The following L2HGDH variants were observed in gnomAD, a reference collection of about 807,000 sequenced individuals.
The protein encoded by L2HGDH is L-2-hydroxyglutarate dehydrogenase, mitochondrial.
A neutral mutation model predicts 51.5 loss-of-function variants in L2HGDH; 34 were observed. The observed-to-expected ratio is 0.66, with a 90% confidence interval of 0.50 to 0.88. The LOEUF (loss-of-function observed/expected upper bound fraction) is 0.88. Among genes scored for constraint, L2HGDH ranks in the 40% least tolerant of loss-of-function variants. L2HGDH has a pLI of 0.00. For missense variants in L2HGDH, 558 were observed against 571.9 expected (o/e 0.98, Z 0.25); for synonymous variants, 198 against 197.9 (o/e 1.00, Z -0.01).
intron 9 of L2HGDH, among the ~76,000 whole-genome samples, chr14:50,263,943 T>C (rs10400739): frequency 0.018 from 2,690 of 151,436 alleles, 76 homozygotes; most frequent in African/African-American, 0.059. Flanking sequence ...GCCTGGCTAA[T>C]TTTGTATTTT....
At chr14:50,289,239 T>C (rs980088293) in intron 4 of L2HGDH, among the ~76,000 whole-genome samples, 1 of 152,174 alleles carries the variant, frequency 6.6e-6, no homozygotes, top group African/African-American at 2.4e-5. Context: ...GGATCTCTAT[T>C]GTTTTAAAAT....
rs753446191 is a variant in L2HGDH at position 50,247,022 on chromosome 14, T to C, written c.*36A>G. The C allele has an allele frequency of 1.3e-6, 2 of 1,596,862 alleles. No homozygotes were observed. The highest frequency in any genetic ancestry group is 8.6e-7 in the Non-Finnish European group (1 of 1,168,928). On this transcript the variant is annotated 3_prime_UTR_variant, in exon 10 of 10. Transcript: ENST00000267436. The stretch of plus-strand genomic sequence containing the variant: ...AATTAGTACATTCTTGTTGCTGACA[T>C]GAAGATTACAGTGCATACCTAGCTC...
At chr14:50,311,781 C>A (rs2031213051) in intron 1 of L2HGDH, among the ~76,000 whole-genome samples, 1 of 152,214 alleles carries the variant, frequency 6.6e-6, no homozygotes, top group Non-Finnish European at 1.5e-5. Flanking sequence ...TTGTTCAAAG[C>A]CAGAGCTACT....
chr14:50,291,197 C>CAAAAAAA (rs1159640500), intron 4 of L2HGDH, among the ~76,000 whole-genome samples: 75 of 30,576 alleles, frequency 2.5e-3, no homozygotes, highest in Non-Finnish European at 3.9e-3. Context: ...GACTCCGTCT[C>CAAAAAAA]AAAAAAAAAA....
rs1566498137 is a variant in L2HGDH at position 50,246,878 on chromosome 14, A to G, written c.*180T>C. On this transcript the variant is annotated 3_prime_UTR_variant, in exon 10 of 10. Coordinates refer to ENST00000267436, the MANE Select transcript of L2HGDH (RefSeq NM_024884.3). ...GCTGAGATTACAGGCATGCGCCACC[A>G]TGCCTGGCTAATTTTTGTAGAAAAT... 1.8e-6 allele frequency: 2 copies of G among 1,135,126 alleles called. No individual in the cohort carries two copies. Among genetic ancestry groups the G allele is most frequent in the Non-Finnish European group, 2.4e-6 (2 of 834,968 alleles). 70.3% of individuals were successfully genotyped at this position (1,135,126 alleles called of 1,614,324 possible).
chr14:50,311,994 G>A lies in L2HGDH; in HGVS notation c.140+17C>T, dbSNP rs775212318. On this transcript the variant is annotated intron_variant, in intron 1 of 9. Transcript: ENST00000267436. The stretch of plus-strand genomic sequence containing the variant: ...GGGCAGCAGCGCAGGCGGCGGGGAG[G>A]ACCAGCGGCCACTCACCTGGTGCTG... The A allele has an allele frequency of 6.4e-7, 1 of 1,553,392 alleles. No homozygotes were observed. Among genetic ancestry groups the A allele is most frequent in the East Asian group, 2.4e-5 (1 of 41,988 alleles).
intron 5 of L2HGDH, 114 bp from the exon 6 acceptor site, chr14:50,278,668 C>T (rs1193570137): frequency 1.6e-6 from 1 of 630,888 alleles, no homozygotes; most frequent in East Asian, 2.8e-5. Context: ...TATGATTGCA[C>T]CTTACAGTTC....
intron 5 of L2HGDH, among the ~76,000 whole-genome samples, chr14:50,283,177 G>A (rs1476343682): frequency 6.6e-6 from 1 of 151,752 alleles, no homozygotes; most frequent in Non-Finnish European, 1.5e-5. Flanking sequence ...CTCCAGCCTA[G>A]GCAACAGAGC....
At chr14:50,270,073 A>G (rs1185567106) in intron 6 of L2HGDH, among the ~76,000 whole-genome samples, 1 of 152,090 alleles carries the variant, frequency 6.6e-6, no homozygotes, top group East Asian at 1.9e-4. Context: ...CCTACCCACC[A>G]AGCAATTTCT....
intron 9 of L2HGDH, among the ~76,000 whole-genome samples, chr14:50,259,297 C>A (rs574282348): frequency 6.6e-6 from 1 of 151,550 alleles, no homozygotes; most frequent in Non-Finnish European, 1.5e-5. Context: ...TAAAGCAAAT[C>A]CCAGATGGCA....
intron 5 of L2HGDH, among the ~76,000 whole-genome samples, chr14:50,280,973 C>T (rs1289062083): frequency 6.7e-6 from 1 of 148,306 alleles, no homozygotes; most frequent in Non-Finnish European, 1.5e-5. Flanking sequence ...TGCTACCATG[C>T]CCAGTGAACG....
intron 3 of L2HGDH, chr14:50,299,771 G>A (rs2030295980): frequency 6.5e-6 from 1 of 154,316 alleles, no homozygotes; most frequent in Non-Finnish European, 1.5e-5. Flanking sequence ...TCCCAACACT[G>A]TGGGAGGCCA....
chr14:50,268,627 T>C (rs1889491072), intron 7 of L2HGDH, among the ~76,000 whole-genome samples: 1 of 152,196 alleles, frequency 6.6e-6, no homozygotes, highest in Non-Finnish European at 1.5e-5. Flanking sequence ...AAATTCATGT[T>C]TCGGCAAGCT....
At chr14:50,293,711 G>T (rs770838303) in intron 4 of L2HGDH, among the ~76,000 whole-genome samples, 1 of 152,134 alleles carries the variant, frequency 6.6e-6, no homozygotes, top group Non-Finnish European at 1.5e-5. Context: ...CTCCAAAAAT[G>T]TTCAATGGCT....
At chr14:50,303,469 A>AC (rs1210613892) in intron 1 of L2HGDH, among the ~76,000 whole-genome samples, 1 of 149,474 alleles carries the variant, frequency 6.7e-6, no homozygotes, top group Non-Finnish European at 1.5e-5. Flanking sequence ...TAAAAAAAAA[A>AC]AACCCTTAAA....
intron 9 of L2HGDH, among the ~76,000 whole-genome samples, chr14:50,264,826 T>C (rs1345771936): frequency 6.6e-6 from 1 of 151,330 alleles, no homozygotes; most frequent in East Asian, 1.9e-4. Context: ...ATAAACCCCA[T>C]GACATGTGTT....
intron 1 of L2HGDH, among the ~76,000 whole-genome samples, chr14:50,303,726 G>A (rs867031808): frequency 1.4e-5 from 2 of 147,254 alleles, no homozygotes; most frequent in Non-Finnish European, 3.0e-5. Context: ...GCAATGAGCC[G>A]AGGTCATGCC....
chr14:50,303,089 T>C, intron 1 of L2HGDH, 72 bp from the exon 2 acceptor site: 1 of 915,966 alleles, frequency 1.1e-6, no homozygotes, highest in Non-Finnish European at 1.8e-6. Flanking sequence ...ATGCATAATT[T>C]TCATCAATGG....
intron 9 of L2HGDH, among the ~76,000 whole-genome samples, chr14:50,249,324 A>G (rs1186521191): frequency 1.3e-5 from 2 of 152,196 alleles, no homozygotes; most frequent in African/African-American, 2.4e-5. Flanking sequence ...GGGAGATACC[A>G]GCCGGCATAG....
Sources: allele counts gnomAD v4.1 joint callset (sites outside exome capture counted in the v4.1 genomes callset), GRCh38; gene constraint gnomAD v4.1.1; transcripts MANE v1.5; gene names NCBI Gene and HGNC (gene_info 2026-07-23, HGNC 2026-07-21).